AFDN: variants seen among roughly 807,000 people sequenced by gnomAD.
AFDN encodes afadin, adherens junction formation factor, also known as afadin.
In AFDN, 68 loss-of-function variants were observed where a neutral mutation model predicts 216.6. The observed-to-expected ratio is 0.31, with a 90% confidence interval of 0.26 to 0.38. AFDN has a LOEUF of 0.38. AFDN is among the 10% of genes least tolerant of loss of function. The pLI is 1.00. For missense variants in AFDN, 2,136 were observed against 2,342.0 expected (o/e 0.91, Z 1.82); for synonymous variants, 868 against 853.7 (o/e 1.02, Z -0.29).
intron 1 of AFDN, among the ~76,000 whole-genome samples, chr6:167,859,090 T>TC (rs1783239492): frequency 6.7e-6 from 1 of 150,348 alleles, no homozygotes; most frequent in Admixed American, 6.6e-5. Context: ...TTTTTTTTTT[T>TC]CTTTTTCAAA....
intron 1 of AFDN, among the ~76,000 whole-genome samples, chr6:167,855,854 A>G (rs1224343147): frequency 6.6e-6 from 1 of 152,142 alleles, no homozygotes; most frequent in Non-Finnish European, 1.5e-5. Context: ...GTGATGCATC[A>G]TTACTTTTCT....
chr6:167,925,190 G>A lies in AFDN; in HGVS notation c.3099+99G>A. ...CGTGTGGGAGTACTTTACCACCTGT[G>A]TATAACGTGCCTGTTCAGTTCTGTT... On this transcript the variant is annotated intron_variant, in intron 23 of 33. Coordinates refer to ENST00000683244, the MANE Select transcript of AFDN (RefSeq NM_001386888.1). 4 of 821,466 alleles carry A rather than the reference G, an allele frequency of 4.9e-6. No homozygotes were observed. In the East Asian group the frequency reaches 1.0e-4, roughly 21 times the overall value. The allele number at this position is 821,466 out of a possible 1,614,324, so 50.9% of individuals were successfully genotyped here.
In AFDN at chr6:167,962,657, TTTCTTAAGAA is replaced by T. The variant is rs1002199550; in HGVS notation, c.4968+91_4968+100del. The stretch of plus-strand genomic sequence containing the variant: ...GGCAGAGCGGGCTGGAAGTTCTGTG[TTTCTTAAGAA>T]GCACGAGGCAGAGCAGGGCCTGGCT... On this transcript the variant is annotated intron_variant, in intron 31 of 33. Transcript: ENST00000683244. The surrounding 1 kb of genome is among the most constrained non-coding windows in gnomAD (Gnocchi z 5.2). The T allele has an allele frequency of 4.4e-6, 7 of 1,595,190 alleles. No individual in the cohort carries two copies. In the African/African-American group the frequency reaches 9.4e-5, roughly 21 times the overall value.
intron 24 of AFDN, 93 bp downstream of exon 24, chr6:167,943,287 A>G (rs1480997495): frequency 6.3e-6 from 9 of 1,423,540 alleles, no homozygotes; most frequent in Admixed American, 1.7e-5. Flanking sequence ...GTTATGTAGC[A>G]CTATAGTGCT....
intron 25 of AFDN, 132 bp from the exon 26 acceptor site, chr6:167,943,809 A>C: frequency 1.3e-6 from 1 of 791,308 alleles, no homozygotes; most frequent in Non-Finnish European, 2.0e-6. Context: ...GCTGTCTGGA[A>C]GTCAGAACCA....
At chr6:167,830,933 C>CT (rs71681602) in intron 1 of AFDN, among the ~76,000 whole-genome samples, 37,931 of 79,086 alleles carry the variant, frequency 0.48, 14,188 homozygotes, top group Non-Finnish European at 0.56. Flanking sequence ...ATATTTGAAA[C>CT]TTTTTTTTTT....
chr6:167,853,690 T>C (rs1465264628), intron 1 of AFDN, among the ~76,000 whole-genome samples: 1 of 152,068 alleles, frequency 6.6e-6, no homozygotes, highest in East Asian at 1.9e-4. Flanking sequence ...CAAATACAGG[T>C]TGTGTGTTTG....
intron 27 of AFDN, among the ~76,000 whole-genome samples, chr6:167,947,189 T>G (rs201857861): frequency 6.6e-6 from 1 of 150,848 alleles, no homozygotes; most frequent in African/African-American, 2.4e-5. Flanking sequence ...TTTTTTTTTT[T>G]TTTGAGACGG....
upstream of AFDN, chr6:167,826,816 GC>G (rs1348761496): frequency 8.5e-5 from 12 of 141,914 alleles, no homozygotes; most frequent in Non-Finnish European, 1.6e-4. Flanking sequence ...GTGCGGCGGC[GC>G]CGCGCGGGGC....
At position 167,911,355 on chromosome 6, in the gene AFDN, A is replaced by G; in HGVS notation, c.1903A>G (p.Thr635Ala). ...TACAGTCCACTTTAAGTTGTCCCCT[A>G]CATATGTATTATATATGGCATGCCG... Reference protein sequence around the residue: ...SSTVHFKLSPTYVLYMACRYV... With the variant: ...SSTVHFKLSPAYVLYMACRYV... Residue 635 changes from threonine to alanine, a missense_variant, in exon 15 of 34, where the codon ACA (threonine) becomes GCA (alanine). Around this residue, in one of 8 missense-constraint regions of AFDN, gnomAD observed 817 missense variants for 965.7 expected, o/e 0.85. Transcript: ENST00000683244. 1.2e-6 allele frequency: 2 copies of G among 1,614,022 alleles called. No homozygotes were observed. Among genetic ancestry groups the G allele is most frequent in the Non-Finnish European group, 1.7e-6 (2 of 1,179,884 alleles).
chr6:167,849,284 G>A (rs1483678614), intron 1 of AFDN, among the ~76,000 whole-genome samples: 2 of 152,098 alleles, frequency 1.3e-5, no homozygotes, highest in African/African-American at 4.8e-5. Context: ...GATTTTATAT[G>A]TTTATCTTTG....
At chr6:167,956,436 CCT>C (rs1038935951) in intron 30 of AFDN, among the ~76,000 whole-genome samples, 1 of 152,106 alleles carries the variant, frequency 6.6e-6, no homozygotes, top group African/African-American at 2.4e-5. Context: ...ACCCATCACC[CCT>C]GTCAGTCCAG....
intron 1 of AFDN, among the ~76,000 whole-genome samples, chr6:167,850,946 C>G (rs1782233157): frequency 6.6e-6 from 1 of 152,032 alleles, no homozygotes; most frequent in Admixed American, 6.5e-5. Context: ...GATCTCGGCT[C>G]ATTGCAACCT....
In AFDN at chr6:167,932,913, CTTTT is replaced by C. The variant is rs1373370819; in HGVS notation, c.3099+7826_3099+7829del. 9.2e-5 allele frequency among the ~76,000 whole-genome samples: 14 copies of C among 151,890 alleles called. No homozygotes were observed. In the East Asian group the frequency reaches 2.5e-3, roughly 27 times the overall value. The stretch of plus-strand genomic sequence containing the variant: ...TTAATGTAGCTTGTAATTACACACT[CTTTT>C]TTTGTTTTTGCTACTTTTGTGCTGC... On this transcript the variant is annotated intron_variant, in intron 23 of 33. Coordinates refer to ENST00000683244, the MANE Select transcript of AFDN (RefSeq NM_001386888.1).
intron 1 of AFDN, among the ~76,000 whole-genome samples, chr6:167,835,942 A>G (rs767369147): frequency 6.6e-6 from 1 of 152,226 alleles, no homozygotes; most frequent in African/African-American, 2.4e-5. Context: ...AAGTAAGGCT[A>G]TAATATAAAC....
At chr6:167,832,130 A>G (rs1382406294) in intron 1 of AFDN, among the ~76,000 whole-genome samples, 2 of 152,208 alleles carry the variant, frequency 1.3e-5, no homozygotes, top group East Asian at 1.9e-4. Flanking sequence ...TAGATACTTA[A>G]GACAGAGATC....
intron 22 of AFDN, chr6:167,923,203 C>T (rs1412099497): frequency 5.4e-6 from 2 of 371,998 alleles, no homozygotes; most frequent in South Asian, 5.2e-5. Context: ...AACACTTATA[C>T]CCATGGTTGT....
intron 23 of AFDN, among the ~76,000 whole-genome samples, chr6:167,925,961 A>G (rs1291693628): frequency 2.0e-5 from 3 of 151,926 alleles, no homozygotes; most frequent in East Asian, 1.9e-4. Context: ...TTTTGTTTCT[A>G]TCTCTAGGGA....
At chr6:167,860,159 C>CTTTTTTT (rs370176215) in intron 1 of AFDN, among the ~76,000 whole-genome samples, 56 of 79,402 alleles carry the variant, frequency 7.1e-4, no homozygotes, top group African/African-American at 2.5e-3. Context: ...TACAGCAATG[C>CTTTTTTT]TTTTTTTTTT....
Sources: gnomAD v4.1 joint callset for allele counts (sites outside exome capture counted in the v4.1 genomes callset) on GRCh38, gnomAD v4.1.1 for gene constraint, gnomAD v4.1.1 regional missense constraint, Gnocchi (gnomAD v3.1) non-coding constraint, MANE v1.5 for transcripts, NCBI Gene and HGNC (gene_info 2026-07-23, HGNC 2026-07-21) for gene names.